SNX29: variants seen among roughly 807,000 people sequenced by gnomAD.
SNX29 encodes the protein sorting nexin 29.
SNX29 carries 78 observed loss-of-function variants against 102.1 expected under a neutral mutation model. That is an observed-to-expected ratio of 0.76 (90% CI 0.64 to 0.92). The LOEUF is 0.92. Ranked by LOEUF, SNX29 falls within the 40% of genes least tolerant of loss-of-function variation. The pLI, the probability that SNX29 is intolerant of heterozygous loss-of-function variation, is 0.00. For missense variants in SNX29, 1,280 were observed against 1,061.7 expected (o/e 1.21, Z -2.86); for synonymous variants, 580 against 414.5 (o/e 1.40, Z -4.85).
chr16:12,183,550 A>G (rs1017724666), intron 13 of SNX29, among the ~76,000 whole-genome samples: 4 of 152,210 alleles, frequency 2.6e-5, no homozygotes, highest in African/African-American at 7.2e-5. Context: ...GTTGTTTCAG[A>G]CATTGTGATT....
At chr16:12,436,177 C>G (rs2151647972) in intron 18 of SNX29, among the ~76,000 whole-genome samples, 1 of 152,334 alleles carries the variant, frequency 6.6e-6, no homozygotes, top group East Asian at 1.9e-4. Context: ...CCCGAGACCC[C>G]TGCTATGCTC....
In SNX29 at chr16:12,557,945, G is replaced by A. The variant is rs141473995; in HGVS notation, c.2319-10561G>A. 4.7e-3 allele frequency among the ~76,000 whole-genome samples: 715 copies of A among 152,212 alleles called. 8 individuals are homozygous for A. Among genetic ancestry groups the A allele is most frequent in the South Asian group, 0.012 (57 of 4,828 alleles). Reference sequence around the variant, plus strand: ...AGGCAGGCTGCTATTTTCATTCACCGCTTGCCCTGTCTTCCTGTGGGTCTT... The same window carrying A: ...AGGCAGGCTGCTATTTTCATTCACCACTTGCCCTGTCTTCCTGTGGGTCTT... On this transcript the variant is annotated intron_variant, in intron 20 of 20. Transcript: ENST00000566228.
intron 14 of SNX29, 124 bp downstream of exon 14, chr16:12,199,807 T>C (rs2076868980): frequency 1.3e-6 from 1 of 765,490 alleles, no homozygotes. Flanking sequence ...ATAATGGTGC[T>C]GCTCAGCGTT....
At chr16:12,011,084 C>A (rs914961458) in intron 3 of SNX29, among the ~76,000 whole-genome samples, 1 of 151,968 alleles carries the variant, frequency 6.6e-6, no homozygotes, top group Non-Finnish European at 1.5e-5. Context: ...TGGACTCTCC[C>A]CCTCCCTTAC....
intron 15 of SNX29, among the ~76,000 whole-genome samples, chr16:12,336,536 T>C (rs2081456591): frequency 6.6e-6 from 1 of 152,246 alleles, no homozygotes; most frequent in Non-Finnish European, 1.5e-5. Context: ...GTTTTCTCTT[T>C]ACTCAGGGTT....
chr16:12,408,841 A>G (rs1003772644), intron 18 of SNX29, among the ~76,000 whole-genome samples: 4 of 152,346 alleles, frequency 2.6e-5, no homozygotes, highest in African/African-American at 9.6e-5. Flanking sequence ...GTCATCCTAC[A>G]TGCCAAAGAA....
At chr16:12,371,228 ACCTT>A (rs35413938) in intron 16 of SNX29, among the ~76,000 whole-genome samples, 7,784 of 151,760 alleles carry the variant, frequency 0.051, 636 homozygotes, top group East Asian at 0.37. Context: ...CTTTGGACCA[ACCTT>A]CCTTCCTTCC....
At chr16:12,235,487 TACTGCTTGAGTTTGTCAGG>T (rs1014804345) in intron 14 of SNX29, among the ~76,000 whole-genome samples, 9 of 152,074 alleles carry the variant, frequency 5.9e-5, no homozygotes, top group African/African-American at 2.2e-4. Flanking sequence ...TTTTGTGCAC[TACTGCTTGAGTTTGTCAGG>T]AGTTTTATTA....
intron 16 of SNX29, among the ~76,000 whole-genome samples, chr16:12,392,881 G>A (rs1259727320): frequency 1.3e-5 from 2 of 152,224 alleles, no homozygotes; most frequent in Admixed American, 6.5e-5. Flanking sequence ...TCCTGAAGGC[G>A]TGGATAGCCC....
chr16:12,532,961 G>A (rs964910889), intron 20 of SNX29, among the ~76,000 whole-genome samples: 1 of 152,250 alleles, frequency 6.6e-6, no homozygotes, highest in African/African-American at 2.4e-5. Context: ...GACCCAGGGA[G>A]CGGGTGGCGC....
Position 12,571,609 on chromosome 16 carries a change from CCATCTTTCA to C in SNX29, c.*2988_*2996del. 1 of 1,060,516 alleles carries C rather than the reference CCATCTTTCA, an allele frequency of 9.4e-7. No homozygotes were observed. The highest frequency in any genetic ancestry group is 1.1e-6 in the Non-Finnish European group (1 of 876,254). 65.7% of individuals were successfully genotyped at this position (1,060,516 alleles called of 1,614,324 possible). On this transcript the variant is annotated 3_prime_UTR_variant, in exon 21 of 21. Coordinates refer to ENST00000566228, the MANE Select transcript of SNX29 (RefSeq NM_032167.5). ...CTGTGCTGAAACAGAACAGCAGGTT[CCATCTTTCA>C]CATCTTTTTTTCTCCCCCAGATGAA...
rs113125561 is a variant in SNX29, at chr16:12,008,453, G to T, written c.122+5410G>T. Among the ~76,000 whole-genome samples, 752 of 150,670 alleles carry T rather than the reference G, an allele frequency of 5.0e-3. 9 individuals carry two copies. The highest frequency in any genetic ancestry group is 0.017 in the African/African-American group (691 of 41,014). ...CCTGGCTAATTTTGTATTTTTAGTAGAGACAGTATTTCTCCATGTTGGTCA... is the reference window on the plus strand; with the variant it reads ...CCTGGCTAATTTTGTATTTTTAGTATAGACAGTATTTCTCCATGTTGGTCA... On this transcript the variant is annotated intron_variant, in intron 3 of 20. Coordinates refer to ENST00000566228, the MANE Select transcript of SNX29 (RefSeq NM_032167.5).
intron 9 of SNX29, among the ~76,000 whole-genome samples, chr16:12,062,563 C>T (rs2050824374): frequency 6.6e-6 from 1 of 152,084 alleles, no homozygotes; most frequent in Admixed American, 6.6e-5. Flanking sequence ...CAGTGTAATG[C>T]AGCTGGCACA....
rs187286004 is a variant in SNX29 at position 12,570,950 on chromosome 16, C to T, written c.*2321C>T. ...CATGTTCCTGGGAGCCACATGGGGACCATCCCCAGCTGCCTGCTCCTGGTA... is the reference window on the plus strand; with the variant it reads ...CATGTTCCTGGGAGCCACATGGGGATCATCCCCAGCTGCCTGCTCCTGGTA... On this transcript the variant is annotated 3_prime_UTR_variant, in exon 21 of 21. Transcript: ENST00000566228. 1.3e-5 allele frequency: 3 copies of T among 231,808 alleles called. No homozygotes were observed. The highest frequency in any genetic ancestry group is 6.1e-5 in the East Asian group (1 of 16,392). 14.4% of individuals were successfully genotyped at this position (231,808 alleles called of 1,614,324 possible).
In SNX29 at chr16:12,417,956, C is replaced by G. The variant is rs146458419; in HGVS notation, c.2037+14427C>G. 5.3e-5 allele frequency among the ~76,000 whole-genome samples: 8 copies of G among 152,204 alleles called. No individual in the cohort carries two copies. In the South Asian group the frequency reaches 1.7e-3, roughly 32 times the overall value. ...GTACTCCGCACTGTCTGTCTTTGGC[C>G]GCAGCATTGAGTCTCTGAGCTCCTG... On this transcript the variant is annotated intron_variant, in intron 18 of 20. Coordinates refer to ENST00000566228, the MANE Select transcript of SNX29 (RefSeq NM_032167.5).
chr16:12,153,498 A>G (rs1436731088), intron 13 of SNX29, among the ~76,000 whole-genome samples: 1 of 150,118 alleles, frequency 6.7e-6, no homozygotes, highest in Admixed American at 6.7e-5. Context: ...AAAAAACCAA[A>G]CCTCTGGCTC....
chr16:12,340,024 T>C (rs1459214198), intron 15 of SNX29, among the ~76,000 whole-genome samples: 1 of 152,234 alleles, frequency 6.6e-6, no homozygotes, highest in Non-Finnish European at 1.5e-5. Flanking sequence ...ATGTTCACCA[T>C]GAGGGTCACT....
chr16:12,215,045 T>G (rs1211904976), intron 14 of SNX29, among the ~76,000 whole-genome samples: 1 of 151,920 alleles, frequency 6.6e-6, no homozygotes, highest in African/African-American at 2.4e-5. Context: ...AATAAATGAG[T>G]GAGTGAATGC....
At chr16:12,563,438 T>G (rs753912604) in intron 20 of SNX29, among the ~76,000 whole-genome samples, 89 of 152,198 alleles carry the variant, frequency 5.8e-4, no homozygotes, top group Non-Finnish European at 2.2e-4. Context: ...GTATGTCCTT[T>G]GCAGGTAAAT....
Sources: allele counts gnomAD v4.1 joint callset (sites outside exome capture counted in the v4.1 genomes callset), GRCh38; gene constraint gnomAD v4.1.1; transcripts MANE v1.5; gene names NCBI Gene and HGNC (gene_info 2026-07-23, HGNC 2026-07-21).